The following TMC6 variants were observed in gnomAD, a reference collection of about 807,000 sequenced individuals.
TMC6 encodes transmembrane channel like 6.
Under a neutral mutation model 95.4 loss-of-function variants are expected in TMC6, and 71 were observed. The ratio of observed to expected loss-of-function variants is 0.74; its 90% CI spans 0.61 to 0.91. TMC6 has a LOEUF of 0.91. TMC6 is among the 40% of genes least tolerant of loss of function. TMC6 has a pLI of 0.00. For missense variants in TMC6, 1,074 were observed against 1,079.1 expected, an observed-to-expected ratio of 1.00 and a Z score of 0.07; for synonymous variants, 514 against 483.1, an observed-to-expected ratio of 1.06 and a Z score of -0.84.
rs1044350135 is a variant in TMC6, at chr17:78,109,397, C to G, written c.*3751G>C. 6 of 454,796 alleles carry G rather than the reference C, an allele frequency of 1.3e-5. No homozygotes were observed. The highest frequency in any genetic ancestry group is 2.7e-5 in the Non-Finnish European group (6 of 226,328). 28.2% of individuals were successfully genotyped at this position (454,796 alleles called of 1,614,324 possible). ...TCCACGTGGAAACAAAGCTGCTTAGCTCTGCATATCAGTGCTTCTCGGCGG... is the reference window on the plus strand; with the variant it reads ...TCCACGTGGAAACAAAGCTGCTTAGGTCTGCATATCAGTGCTTCTCGGCGG... On this transcript the variant is annotated 3_prime_UTR_variant, in exon 20 of 20. Transcript: ENST00000590602.
At chr17:78,119,851 T>G in intron 13 of TMC6, 1 of 345,930 alleles carries the variant, frequency 2.9e-6, no homozygotes, top group Non-Finnish European at 5.5e-6. Context: ...TCTCACTCTG[T>G]TGCCGAGGCT....
chr17:78,126,219 C>T, intron 4 of TMC6, 58 bp downstream of exon 4: 1 of 1,534,900 alleles, frequency 6.5e-7, no homozygotes, highest in Non-Finnish European at 8.7e-7. Context: ...AGCCCAGCCC[C>T]AGGGACTGGG....
At chr17:78,123,838 TA>T (rs1266394523) in intron 9 of TMC6, 150 bp downstream of exon 9, 1 of 1,041,428 alleles carries the variant, frequency 9.6e-7, no homozygotes. Context: ...GATGGGTGGG[TA>T]AGTGGATAGT....
rs771134088 is a variant in TMC6 at position 78,126,415 on chromosome 17, A to C, written c.182-49T>G. On this transcript the variant is annotated intron_variant, in intron 3 of 19. Coordinates refer to ENST00000590602, the MANE Select transcript of TMC6 (RefSeq NM_001127198.5). ...AGGGGTCCTGGAGATGCCATTGGCC[A>C]CAGTATCTCCCACCCCATCCCAGGC... 24 of 1,604,264 alleles carry C rather than the reference A, an allele frequency of 1.5e-5. No individual in the cohort carries two copies. In the South Asian group the frequency reaches 2.4e-4, roughly 16 times the overall value.
rs903021336 is a variant in TMC6, at chr17:78,111,906, C to T, written c.*1242G>A. 2.8e-4 allele frequency: 65 copies of T among 233,832 alleles called. No individual in the cohort carries two copies. The highest frequency in any genetic ancestry group is 1.5e-3 in the African/African-American group (61 of 42,008). The allele number at this position is 233,832 out of a possible 1,614,324, so 14.5% of individuals were successfully genotyped here. A position where few individuals can be genotyped will look rare whatever the true frequency, so the allele number is the denominator to read the frequency against. On this transcript the variant is annotated 3_prime_UTR_variant, in exon 20 of 20. Transcript: ENST00000590602. ...AACCCTGCGCCGTGACGGGCTGGTC[C>T]CCACAGACCTGGAGCACTGGGGTCA... is the stretch of plus-strand genomic sequence containing the variant.
intron 6 of TMC6, 32 bp from the exon 7 acceptor site, chr17:78,125,017 C>T (rs1323416749): frequency 1.3e-6 from 2 of 1,558,240 alleles, no homozygotes; most frequent in Admixed American, 1.9e-5. Flanking sequence ...GGTGCCTGGA[C>T]CAATGAGGGG....
chr17:78,124,501 C>G, intron 8 of TMC6, 23 bp downstream of exon 8: 1 of 1,605,946 alleles, frequency 6.2e-7, no homozygotes, highest in Non-Finnish European at 8.5e-7. Context: ...ACCCCCCGTC[C>G]CCCAGTCCTA....
chr17:78,131,581 C>G (rs2074966809), upstream of TMC6: 5 of 1,543,852 alleles, frequency 3.2e-6, no homozygotes, highest in Non-Finnish European at 4.4e-6. Context: ...CTACCCGTGC[C>G]CGCCGAGATG....
At position 78,124,567 on chromosome 17, in the gene TMC6, C is replaced by G; in HGVS notation, c.848G>C (p.Gly283Ala). Residue 283 changes from glycine to alanine, a missense_variant, in exon 8 of 20, where the codon GGC (glycine) becomes GCC (alanine). Gly to Ala is a moderately conservative substitution (Grantham distance 60, BLOSUM62 0). Transcript: ENST00000590602. ...CAGGCCTGTGCAGACGGGGGCAGGG[C>G]CCGGCAGGGCGGGTGGGAAGGCGAC... ...PQVAFPPALPGPAPVCTGLEL... is the reference protein window; with the variant it reads ...PQVAFPPALPAPAPVCTGLEL... The G allele has an allele frequency of 6.2e-7, 1 of 1,612,026 alleles. No individual in the cohort carries two copies. Among genetic ancestry groups the G allele is most frequent in the Non-Finnish European group, 8.5e-7 (1 of 1,179,778 alleles).
At chr17:78,114,564 T>C (rs2073958646) in intron 18 of TMC6, among the ~76,000 whole-genome samples, 1 of 151,944 alleles carries the variant, frequency 6.6e-6, no homozygotes, top group Non-Finnish European at 1.5e-5. Flanking sequence ...ACCGAAACAC[T>C]GATCATCAGT....
chr17:78,131,976 C>T, upstream of TMC6: 1 of 1,521,914 alleles, frequency 6.6e-7, no homozygotes, highest in East Asian at 2.5e-5. Flanking sequence ...GGAGGCAGCG[C>T]AGCGGCTGGC....
Position 78,124,799 on chromosome 17 carries a change from G to A in TMC6, c.634-18C>T. On this transcript the variant is annotated intron_variant, in intron 7 of 19. Transcript: ENST00000590602. ...TGCAAGGCCTGCGGGCACAGGCAGA[G>A]AGGCCCTGAGGGTGAGGCCGGAGGA... The A allele has an allele frequency of 6.3e-7, 1 of 1,578,766 alleles. No individual in the cohort carries two copies. Among genetic ancestry groups the A allele is most frequent in the Non-Finnish European group, 8.6e-7 (1 of 1,163,176 alleles).
At chr17:78,127,990 G>A (rs1157092702) in intron 1 of TMC6, among the ~76,000 whole-genome samples, 2 of 152,214 alleles carry the variant, frequency 1.3e-5, no homozygotes, top group African/African-American at 4.8e-5. Context: ...GGCTGAGGAC[G>A]CCCCACCCAG....
rs1053358144 is a variant in TMC6, at chr17:78,110,326, T to C, written c.*2822A>G. The C allele has an allele frequency of 3.3e-5, 5 of 152,088 alleles. No individual in the cohort carries two copies. The highest frequency in any genetic ancestry group is 1.2e-4 in the African/African-American group (5 of 41,370). The allele number at this position is 152,088 out of a possible 1,614,324, so 9.4% of individuals were successfully genotyped here. ...GAGATCTTGACCAGCCTGACCATCA[T>C]GGTGAAACCCCATCTCTACTAAAAA... On this transcript the variant is annotated 3_prime_UTR_variant, in exon 20 of 20. Coordinates refer to ENST00000590602, the MANE Select transcript of TMC6 (RefSeq NM_001127198.5).
chr17:78,123,256 G>A, intron 9 of TMC6: 1 of 265,374 alleles, frequency 3.8e-6, no homozygotes, highest in South Asian at 4.0e-5. Flanking sequence ...TCTTCTCCCA[G>A]AGACAGCAAG....
At chr17:78,127,863 GC>G in intron 1 of TMC6, among the ~76,000 whole-genome samples, 1 of 152,344 alleles carries the variant, frequency 6.6e-6, no homozygotes, top group East Asian at 1.9e-4. Flanking sequence ...CCATCTTCGG[GC>G]CCAGGCCCCA....
intron 19 of TMC6, 54 bp from the exon 20 acceptor site, chr17:78,113,265 A>T: frequency 1.3e-6 from 2 of 1,531,020 alleles, no homozygotes; most frequent in Non-Finnish European, 1.8e-6. Context: ...CATCCCTGCA[A>T]CCTGGCTGGG....
At chr17:78,118,087 G>A (rs1000143217) in intron 15 of TMC6, 152 bp from the exon 16 acceptor site, 2 of 1,361,836 alleles carry the variant, frequency 1.5e-6, no homozygotes, top group Non-Finnish European at 2.0e-6. Context: ...TACAGAGGAA[G>A]ACAGAAGCCT....
upstream of TMC6, chr17:78,131,203 T>G (rs2074955328): frequency 5.6e-6 from 2 of 359,074 alleles, no homozygotes; most frequent in African/African-American, 4.4e-5. Flanking sequence ...GGATGCGGGG[T>G]GCAGCAGGTC....
Sources: gnomAD v4.1 joint callset for allele counts (sites outside exome capture counted in the v4.1 genomes callset) on GRCh38, gnomAD v4.1.1 for gene constraint, MANE v1.5 for transcripts, NCBI Gene and HGNC (gene_info 2026-07-23, HGNC 2026-07-21) for gene names.